Variants in FUT8 observed in about 807,000 individuals in gnomAD.
The protein encoded by FUT8 is alpha-(1,6)-fucosyltransferase.
Under a neutral mutation model 71.3 loss-of-function variants are expected in FUT8, and 29 were observed. The observed-to-expected ratio is 0.41, with a 90% confidence interval of 0.30 to 0.55. FUT8 has a LOEUF of 0.55. FUT8 is among the 20% of genes least tolerant of loss of function. FUT8 has a pLI of 0.34. For synonymous variants in FUT8, 254 were observed against 239.3 expected (o/e 1.06, Z -0.57); for missense variants, 544 against 702.1 (o/e 0.77, Z 2.55).
At chr14:65,410,118 C>G (rs2065107301), upstream of FUT8, among the ~76,000 whole-genome samples, 1 of 152,188 alleles carries the variant, frequency 6.6e-6, no homozygotes, top group African/African-American at 2.4e-5. Flanking sequence ...GGGATTCCTT[C>G]TCTCTCAGAA....
At chr14:65,508,998 C>T (rs542445692) in intron 2 of FUT8, among the ~76,000 whole-genome samples, 15 of 152,178 alleles carry the variant, frequency 9.9e-5, no homozygotes, top group Admixed American at 4.6e-4. Context: ...AATCATTGCC[C>T]AGACCGATAC....
intron 3 of FUT8, among the ~76,000 whole-genome samples, chr14:65,595,506 T>G (rs1182110763): frequency 6.6e-6 from 1 of 152,144 alleles, no homozygotes; most frequent in Non-Finnish European, 1.5e-5. Flanking sequence ...CTTACTTGAT[T>G]TTGAGAAGAA....
chr14:65,436,569 C>T (rs2065563756), intron 1 of FUT8, among the ~76,000 whole-genome samples: 1 of 149,160 alleles, frequency 6.7e-6, no homozygotes, highest in African/African-American at 2.5e-5. Flanking sequence ...GTGGAGCTGG[C>T]AGTGAGCCAA....
chr14:65,677,151 T>TGTGCGCGCGCGC, intron 7 of FUT8, among the ~76,000 whole-genome samples: 9 of 110,698 alleles, frequency 8.1e-5, no homozygotes, highest in Non-Finnish European at 1.3e-4. Flanking sequence ...TGTGTGTGTG[T>TGTGCGCGCGCGC]GCGCGCGCGC....
At chr14:65,636,499 T>A (rs1326384668) in intron 6 of FUT8, 1 of 152,328 alleles carries the variant, frequency 6.6e-6, no homozygotes, top group East Asian at 1.9e-4. Context: ...AACTTTCCTC[T>A]TAGCACCACC....
At chr14:65,546,161 A>T (rs1884975341) in intron 2 of FUT8, among the ~76,000 whole-genome samples, 1 of 151,798 alleles carries the variant, frequency 6.6e-6, no homozygotes, top group South Asian at 2.1e-4. Flanking sequence ...ATATTTCTTA[A>T]ATCTATATCC....
At chr14:65,444,427 G>A (rs1263734183) in intron 1 of FUT8, among the ~76,000 whole-genome samples, 5 of 152,164 alleles carry the variant, frequency 3.3e-5, no homozygotes, top group Admixed American at 1.3e-4. Context: ...ATATGAGCTG[G>A]CAGTCCCACT....
intron 3 of FUT8, among the ~76,000 whole-genome samples, chr14:65,612,280 T>A (rs948356510): frequency 6.6e-6 from 1 of 152,216 alleles, no homozygotes; most frequent in Admixed American, 6.5e-5. Context: ...ATTTTGTCTT[T>A]TAATAATTGT....
the FUT8 span, among the ~76,000 whole-genome samples, chr14:65,396,224 A>G: frequency 6.6e-6 from 1 of 152,180 alleles, no homozygotes; most frequent in Admixed American, 6.5e-5. This position sits in a 1 kb window ranked among gnomAD's most constrained non-coding sequence, Gnocchi z 5.5. Context: ...TCTGCCTGTT[A>G]CCCAGTTCCA....
intron 2 of FUT8, among the ~76,000 whole-genome samples, chr14:65,554,486 A>G (rs1049790743): frequency 1.3e-5 from 2 of 149,400 alleles, no homozygotes; most frequent in Non-Finnish European, 3.0e-5. Flanking sequence ...TTTTTGTTGC[A>G]TGCCAGACAT....
At chr14:65,575,839 C>T (rs879704347) in intron 3 of FUT8, among the ~76,000 whole-genome samples, 2 of 152,074 alleles carry the variant, frequency 1.3e-5, no homozygotes, top group African/African-American at 2.4e-5. Flanking sequence ...AGGCTGATCT[C>T]GAACTCCTGG....
At chr14:65,387,008 A>G in the FUT8 span, among the ~76,000 whole-genome samples, 1,076 of 151,752 alleles carry the variant, frequency 7.1e-3, 10 homozygotes, top group African/African-American at 0.025. Flanking sequence ...CGCCCGGCTA[A>G]TTTTTGTATT....
At chr14:65,691,041 A>G (rs1279153511) in intron 7 of FUT8, among the ~76,000 whole-genome samples, 1 of 151,188 alleles carries the variant, frequency 6.6e-6, no homozygotes, top group Non-Finnish European at 1.5e-5. Context: ...TGACTTTTGT[A>G]TATCAACCTT....
At chr14:65,428,815 A>G (rs532320118) in intron 1 of FUT8, among the ~76,000 whole-genome samples, 1 of 152,226 alleles carries the variant, frequency 6.6e-6, no homozygotes, top group African/African-American at 2.4e-5. Context: ...ACAAGACTAT[A>G]TGCTGTTTTA....
chr14:65,633,826 G>T (rs1890365144), intron 6 of FUT8, among the ~76,000 whole-genome samples: 1 of 152,038 alleles, frequency 6.6e-6, no homozygotes, highest in Non-Finnish European at 1.5e-5. Context: ...CCGCCCGGCA[G>T]CCACCCTGTC....
chr14:65,662,623 G>A (rs1187342263), intron 6 of FUT8, among the ~76,000 whole-genome samples: 1 of 152,156 alleles, frequency 6.6e-6, no homozygotes. Flanking sequence ...TTTATTCAGT[G>A]TGAAATAATG....
At chr14:65,464,007 A>T (rs890387208) in intron 2 of FUT8, among the ~76,000 whole-genome samples, 19 of 152,222 alleles carry the variant, frequency 1.2e-4, no homozygotes, top group African/African-American at 4.3e-4. Context: ...CCACTGGGGA[A>T]AAAAGGAAAC....
intron 6 of FUT8, among the ~76,000 whole-genome samples, chr14:65,630,160 A>C (rs1890109996): frequency 6.6e-6 from 1 of 152,172 alleles, no homozygotes; most frequent in Non-Finnish European, 1.5e-5. Flanking sequence ...GGGATGGAGA[A>C]TAAGTTGGAA....
upstream of FUT8, chr14:65,410,814 TG>T (rs958630256): frequency 8.5e-5 from 13 of 152,174 alleles, no homozygotes; most frequent in Non-Finnish European, 1.6e-4. Context: ...GGTCTTGCTA[TG>T]TTGCCCAGGC....
Sources: allele counts gnomAD v4.1 joint callset (sites outside exome capture counted in the v4.1 genomes callset), GRCh38; gene constraint gnomAD v4.1.1; non-coding constraint Gnocchi (gnomAD v3.1); transcripts MANE v1.5; gene names NCBI Gene and HGNC (gene_info 2026-07-23, HGNC 2026-07-21).